COG5: variants seen among roughly 807,000 people sequenced by gnomAD.
COG5 encodes the protein conserved oligomeric Golgi complex subunit 5.
COG5 carries 86 observed loss-of-function variants against 110.4 expected under a neutral mutation model. That is an observed-to-expected ratio of 0.78 (90% CI 0.65 to 0.93). The LOEUF is 0.93. Among genes scored for constraint, COG5 ranks in the 40% least tolerant of loss-of-function variants. The pLI, the probability that COG5 is intolerant of heterozygous loss-of-function variation, is 0.00. For synonymous variants in COG5, 360 were observed against 334.6 expected (o/e 1.08, Z -0.83); for missense variants, 1,077 against 987.0 (o/e 1.09, Z -1.22).
intron 7 of COG5, among the ~76,000 whole-genome samples, chr7:107,380,382 T>C (rs1815011014): frequency 6.6e-6 from 1 of 150,756 alleles, no homozygotes; most frequent in Non-Finnish European, 1.5e-5. Context: ...CAGGAGCTGG[T>C]TTTGTTGAAA....
chr7:107,414,127 G>T (rs1162533979), intron 6 of COG5, among the ~76,000 whole-genome samples: 1 of 152,100 alleles, frequency 6.6e-6, no homozygotes, highest in African/African-American at 2.4e-5. Context: ...CAAAAAATTT[G>T]CCCAGGTTAG....
intron 17 of COG5, among the ~76,000 whole-genome samples, chr7:107,239,045 A>G (rs1383066046): frequency 6.6e-6 from 1 of 152,158 alleles, no homozygotes; most frequent in Non-Finnish European, 1.5e-5. Context: ...CAAATCCAAA[A>G]AATTATTGCT....
chr7:107,279,618 C>T (rs1343278827), intron 14 of COG5, among the ~76,000 whole-genome samples: 1 of 151,978 alleles, frequency 6.6e-6, no homozygotes, highest in East Asian at 1.9e-4. Flanking sequence ...ACATTAACAG[C>T]AAGTTGTTAC....
At chr7:107,388,698 G>A (rs1790384054) in intron 7 of COG5, among the ~76,000 whole-genome samples, 3 of 152,218 alleles carry the variant, frequency 2.0e-5, no homozygotes, top group Non-Finnish European at 4.4e-5. Context: ...ATGGAAAGAT[G>A]TGAACAGTAA....
At chr7:107,449,193 G>A (rs754336838) in intron 6 of COG5, among the ~76,000 whole-genome samples, 17 of 152,216 alleles carry the variant, frequency 1.1e-4, no homozygotes, top group Admixed American at 9.2e-4. Context: ...GGGGCAAGGC[G>A]AGGGAGAGAA....
chr7:107,468,133 T>C (rs904530345), intron 6 of COG5, among the ~76,000 whole-genome samples: 2 of 152,204 alleles, frequency 1.3e-5, no homozygotes, highest in Non-Finnish European at 2.9e-5. Context: ...AAGACCTTCA[T>C]AATTTTCCAA....
chr7:107,222,944 C>T (rs1800051798), intron 19 of COG5, among the ~76,000 whole-genome samples: 1 of 152,054 alleles, frequency 6.6e-6, no homozygotes, highest in Non-Finnish European at 1.5e-5. Flanking sequence ...CGATTCATAG[C>T]TATGCAGCTG....
chr7:107,406,333 C>T (rs1374988016), intron 7 of COG5, among the ~76,000 whole-genome samples: 1 of 152,088 alleles, frequency 6.6e-6, no homozygotes, highest in Non-Finnish European at 1.5e-5. Flanking sequence ...ATACTTTTGT[C>T]TTTTTAATCT....
At chr7:107,366,104 A>T (rs1393046238) in intron 8 of COG5, among the ~76,000 whole-genome samples, 1 of 152,104 alleles carries the variant, frequency 6.6e-6, no homozygotes, top group East Asian at 1.9e-4. Context: ...AGAAAGGGAT[A>T]CTCAGTTTTC....
At chr7:107,444,306 G>C (rs965708717) in intron 6 of COG5, among the ~76,000 whole-genome samples, 3 of 152,114 alleles carry the variant, frequency 2.0e-5, no homozygotes, top group Non-Finnish European at 4.4e-5. Context: ...TTTTACAATA[G>C]AGTCTAAATT....
intron 6 of COG5, among the ~76,000 whole-genome samples, chr7:107,437,453 C>T (rs1330429315): frequency 6.6e-6 from 1 of 152,112 alleles, no homozygotes; most frequent in African/African-American, 2.4e-5. Context: ...ATATAGAATA[C>T]TGGTGCCTGG....
chr7:107,315,210 C>G (rs2117017489), intron 11 of COG5, among the ~76,000 whole-genome samples: 1 of 150,518 alleles, frequency 6.6e-6, no homozygotes, highest in African/African-American at 2.4e-5. Context: ...TTTTATCTCC[C>G]TAATTCTTGG....
At chr7:107,505,976 G>A (rs781196680) in intron 6 of COG5, among the ~76,000 whole-genome samples, 4 of 152,188 alleles carry the variant, frequency 2.6e-5, no homozygotes, top group Non-Finnish European at 5.9e-5. Flanking sequence ...GCTCTGATGG[G>A]GGTGGCAGGA....
intron 19 of COG5, among the ~76,000 whole-genome samples, chr7:107,215,744 G>A (rs1220473912): frequency 3.3e-5 from 5 of 150,124 alleles, no homozygotes; most frequent in South Asian, 2.1e-4. Flanking sequence ...TTTTTGAGAC[G>A]GAGTCTTGCT....
Position 107,415,795 on chromosome 7 carries a change from T to C in COG5, c.539-3163A>G, listed in dbSNP as rs565995451. On this transcript the variant is annotated intron_variant, in intron 6 of 21. Coordinates refer to ENST00000297135, the MANE Select transcript of COG5 (RefSeq NM_006348.5). Reference sequence around the variant, plus strand: ...ATATACACACACATACACGTATGTATGTATGTGTGTATATATACACACATA... The same window carrying C: ...ATATACACACACATACACGTATGTACGTATGTGTGTATATATACACACATA... Among the ~76,000 whole-genome samples, 7 of 137,368 alleles carry C rather than the reference T, an allele frequency of 5.1e-5. No individual in the cohort carries two copies. In the East Asian group the frequency reaches 1.5e-3, roughly 30 times the overall value. 90.1% of individuals were successfully genotyped at this position (137,368 alleles called of 152,430 possible).
At chr7:107,320,986 T>C (rs1809214292) in intron 11 of COG5, among the ~76,000 whole-genome samples, 1 of 152,138 alleles carries the variant, frequency 6.6e-6, no homozygotes, top group Non-Finnish European at 1.5e-5. Context: ...AGGCACCTCT[T>C]TATCCAATTT....
intron 6 of COG5, among the ~76,000 whole-genome samples, chr7:107,458,031 A>T (rs1795771338): frequency 6.6e-6 from 1 of 152,212 alleles, no homozygotes; most frequent in Non-Finnish European, 1.5e-5. Flanking sequence ...AGAACTGAGG[A>T]ACAAAGATAA....
intron 10 of COG5, among the ~76,000 whole-genome samples, chr7:107,343,963 G>A (rs561645677): frequency 6.6e-6 from 1 of 151,142 alleles, no homozygotes; most frequent in Non-Finnish European, 1.5e-5. Flanking sequence ...ATGCTTTACT[G>A]TTCAATTTAT....
intron 6 of COG5, among the ~76,000 whole-genome samples, chr7:107,467,596 C>T (rs1373305808): frequency 2.0e-5 from 3 of 152,160 alleles, no homozygotes. Flanking sequence ...AAGTGATCCA[C>T]CCGCCTCAGC....
Sources: gnomAD v4.1 joint callset for allele counts (sites outside exome capture counted in the v4.1 genomes callset) on GRCh38, gnomAD v4.1.1 for gene constraint, MANE v1.5 for transcripts, NCBI Gene and HGNC (gene_info 2026-07-23, HGNC 2026-07-21) for gene names.